Variants in NRG1 observed in about 807,000 individuals in gnomAD.
The protein encoded by NRG1 is pro-neuregulin-1, membrane-bound isoform.
A neutral mutation model predicts 63.8 loss-of-function variants in NRG1; 18 were observed. The ratio of observed to expected loss-of-function variants is 0.28; its 90% CI spans 0.19 to 0.42. The LOEUF is 0.42. Ranked by LOEUF, NRG1 falls within the 10% of genes least tolerant of loss-of-function variation. The probability of loss-of-function intolerance (pLI) is 1.00; values close to 1 mark genes in which losing one functional copy is unlikely to be tolerated. For synonymous variants in NRG1, 302 were observed against 301.3 expected, an observed-to-expected ratio of 1.00 and a Z score of -0.02; for missense variants, 762 against 814.7, an observed-to-expected ratio of 0.94 and a Z score of 0.79.
chr8:32,014,142 G>T (rs1815148277), intron 1 of NRG1, among the ~76,000 whole-genome samples: 1 of 152,212 alleles, frequency 6.6e-6, no homozygotes, highest in East Asian at 1.9e-4. Context: ...ATTACTTTGG[G>T]CAGTATGGCC....
intron 1 of NRG1, among the ~76,000 whole-genome samples, chr8:31,781,997 T>C (rs80059492): frequency 6.6e-6 from 1 of 152,106 alleles, no homozygotes; most frequent in Non-Finnish European, 1.5e-5. Flanking sequence ...TTGGTCTCTC[T>C]CCCAAGGCTT....
chr8:32,371,120 G>C (rs2129482717), intron 1 of NRG1, among the ~76,000 whole-genome samples: 1 of 152,192 alleles, frequency 6.6e-6, no homozygotes, highest in Non-Finnish European at 1.5e-5. Flanking sequence ...GCTGAGACAG[G>C]AGAATTGCTT....
intron 1 of NRG1, among the ~76,000 whole-genome samples, chr8:31,758,649 A>G (rs1225696867): frequency 6.6e-6 from 1 of 152,080 alleles, no homozygotes; most frequent in African/African-American, 2.4e-5. Context: ...CTAGTAGTTT[A>G]TATCTTCCAT....
At chr8:32,657,240 A>G (rs1801712830) in intron 5 of NRG1, among the ~76,000 whole-genome samples, 1 of 151,686 alleles carries the variant, frequency 6.6e-6, no homozygotes, top group Admixed American at 6.6e-5. Context: ...TGTTGCCTGT[A>G]TTGGTGTACA....
rs1275489906 is a variant in NRG1 at position 31,639,433 on chromosome 8, T to C, written c.37+2T>C. On this transcript the variant is annotated splice_donor_variant, in intron 1 of 10. Transcript: ENST00000519301. LOFTEE classifies it high-confidence loss of function. The stretch of plus-strand genomic sequence containing the variant: ...GCGCGGGCCGAGTTGGCACCACAGG[T>C]AAACAGGCTGGCGAGGCGCAGGACG... 5.3e-5 allele frequency: 82 copies of C among 1,534,524 alleles called. No homozygotes were observed. The highest frequency in any genetic ancestry group is 6.7e-5 in the Non-Finnish European group (77 of 1,146,386).
intron 1 of NRG1, among the ~76,000 whole-genome samples, chr8:31,915,859 G>A (rs552948874): frequency 5.3e-5 from 8 of 152,040 alleles, no homozygotes; most frequent in African/African-American, 9.6e-5. Flanking sequence ...GGTTTTCATC[G>A]AGTACCCTTC....
intron 1 of NRG1, among the ~76,000 whole-genome samples, chr8:32,086,683 GGATAGT>G (rs1563769641): frequency 6.6e-6 from 1 of 152,106 alleles, no homozygotes; most frequent in African/African-American, 2.4e-5. Context: ...CACATAATAC[GGATAGT>G]GATTAGGAAC....
chr8:32,251,368 C>T (rs76759039), intron 1 of NRG1, among the ~76,000 whole-genome samples: 3 of 137,292 alleles, frequency 2.2e-5, no homozygotes, highest in Non-Finnish European at 3.1e-5. Context: ...TCATCCATGT[C>T]CCTGCAAAGG....
chr8:31,782,811 G>A (rs1819818300), intron 1 of NRG1, among the ~76,000 whole-genome samples: 1 of 152,116 alleles, frequency 6.6e-6, no homozygotes, highest in South Asian at 2.1e-4. Context: ...TGGGGTCTCG[G>A]GTTCTGTGTG....
chr8:32,222,374 T>A (rs1430244336), intron 1 of NRG1, among the ~76,000 whole-genome samples: 1 of 152,212 alleles, frequency 6.6e-6, no homozygotes, highest in Non-Finnish European at 1.5e-5. Flanking sequence ...AGAGTTATTG[T>A]AAACAATTGG....
chr8:32,097,198 A>T (rs527644578), intron 1 of NRG1, among the ~76,000 whole-genome samples: 1 of 152,276 alleles, frequency 6.6e-6, no homozygotes, highest in East Asian at 1.9e-4. Context: ...GTGGCTAAAT[A>T]ATATTCTGTT....
At position 32,676,750 on chromosome 8, in the gene NRG1, C is replaced by A. The variant is rs1211521869; in HGVS notation, c.503-51199C>A. On this transcript the variant is annotated intron_variant, in intron 5 of 11. Coordinates refer to ENST00000356819, the Ensembl canonical transcript of NRG1. ...TGGTGCCTGGGGAATGTCTAGTATTCGTAGTCAGTGCAGTCATCCCAGTTC... is the reference window on the plus strand; with the variant it reads ...TGGTGCCTGGGGAATGTCTAGTATTAGTAGTCAGTGCAGTCATCCCAGTTC... 4.6e-5 allele frequency among the ~76,000 whole-genome samples: 7 copies of A among 152,074 alleles called. No homozygotes were observed. In the East Asian group the frequency reaches 1.4e-3, roughly 29 times the overall value.
At chr8:32,322,741 T>G (rs991277805) in intron 1 of NRG1, among the ~76,000 whole-genome samples, 1 of 152,118 alleles carries the variant, frequency 6.6e-6, no homozygotes, top group African/African-American at 2.4e-5. Flanking sequence ...TCCTTTTAGT[T>G]AACACATTTT....
intron 1 of NRG1, among the ~76,000 whole-genome samples, chr8:32,414,805 AG>A (rs1232756741): frequency 6.6e-6 from 1 of 152,160 alleles, no homozygotes; most frequent in Non-Finnish European, 1.5e-5. Context: ...TATATACAAA[AG>A]CTCAGTAAGT....
intron 1 of NRG1, among the ~76,000 whole-genome samples, chr8:32,399,109 T>C (rs1377887048): frequency 6.6e-6 from 1 of 152,154 alleles, no homozygotes; most frequent in Non-Finnish European, 1.5e-5. Context: ...TGAAAATAGT[T>C]AACAGAAACA....
chr8:31,915,475 TCTGA>T (rs1833304854), intron 1 of NRG1, among the ~76,000 whole-genome samples: 1 of 152,176 alleles, frequency 6.6e-6, no homozygotes, highest in African/African-American at 2.4e-5. Context: ...CTTACCTTTT[TCTGA>T]CTGACCATTT....
chr8:32,446,642 G>A (rs1312843020), intron 1 of NRG1, among the ~76,000 whole-genome samples: 2 of 136,178 alleles, frequency 1.5e-5, no homozygotes, highest in South Asian at 2.4e-4. Context: ...GCAACAGAGT[G>A]AGACTCTGTC....
chr8:32,059,078 G>C (rs1249807590), intron 1 of NRG1, among the ~76,000 whole-genome samples: 1 of 151,948 alleles, frequency 6.6e-6, no homozygotes, highest in Non-Finnish European at 1.5e-5. Flanking sequence ...TTTTTTAAGA[G>C]ACCAATGTCA....
intron 5 of NRG1, among the ~76,000 whole-genome samples, chr8:32,621,520 A>G (rs538334630): frequency 3.3e-4 from 51 of 152,342 alleles, no homozygotes; most frequent in Non-Finnish European, 4.3e-4. Flanking sequence ...GTTGAATACC[A>G]TAAAAAATTG....
Sources: gnomAD v4.1 joint callset for allele counts (sites outside exome capture counted in the v4.1 genomes callset) on GRCh38, gnomAD v4.1.1 for gene constraint, MANE v1.5 for transcripts, NCBI Gene and HGNC (gene_info 2026-07-23, HGNC 2026-07-21) for gene names.